The following CENPP variants were observed in gnomAD, a reference collection of about 807,000 sequenced individuals.
The protein encoded by CENPP is centromere protein P.
A neutral mutation model predicts 35.6 loss-of-function variants in CENPP; 24 were observed. The ratio of observed to expected loss-of-function variants is 0.67; its 90% CI spans 0.49 to 0.95. CENPP has a LOEUF of 0.95. CENPP is among the 40% of genes least tolerant of loss of function. The probability of loss-of-function intolerance (pLI) is 0.00; values close to 1 mark genes in which losing one functional copy is unlikely to be tolerated. For synonymous variants in CENPP, 120 were observed against 125.5 expected, an observed-to-expected ratio of 0.96 and a Z score of 0.29; for missense variants, 332 against 345.3, an observed-to-expected ratio of 0.96 and a Z score of 0.31.
chr9:92,427,233 G>A (rs1353347564), intron 5 of CENPP, among the ~76,000 whole-genome samples: 2 of 152,172 alleles, frequency 1.3e-5, no homozygotes, highest in African/African-American at 2.4e-5. Context: ...CGCCGTCTTG[G>A]CTCACTGCAG....
At chr9:92,559,246 T>C (rs952120319) in intron 5 of CENPP, among the ~76,000 whole-genome samples, 4 of 152,176 alleles carry the variant, frequency 2.6e-5, no homozygotes, top group Admixed American at 6.5e-5. Flanking sequence ...ATCCCTGTGG[T>C]GTCAGGCAGG....
intron 5 of CENPP, among the ~76,000 whole-genome samples, chr9:92,479,555 C>T (rs1467472468): frequency 6.6e-6 from 1 of 152,142 alleles, no homozygotes; most frequent in Non-Finnish European, 1.5e-5. Context: ...CATATCCACC[C>T]TGCTTGAATA....
At chr9:92,417,340 T>A in intron 5 of CENPP, 1 of 1,614,074 alleles carries the variant, frequency 6.2e-7, no homozygotes, top group Non-Finnish European at 8.5e-7. Context: ...ACATTGATGA[T>A]GGAAAGTTAG....
intron 5 of CENPP, chr9:92,414,307 GTTAT>G (rs1256543667): frequency 1.6e-5 from 3 of 191,846 alleles, no homozygotes; most frequent in African/African-American, 7.0e-5. Context: ...AAACAAAGCA[GTTAT>G]TTCTTTGCAA....
At chr9:92,416,536 G>A (rs1007336243) in intron 5 of CENPP, 1 of 895,152 alleles carries the variant, frequency 1.1e-6, no homozygotes, top group Non-Finnish European at 1.7e-6. Flanking sequence ...AATGTCTAAA[G>A]CATAGCTTAT....
chr9:92,513,760 G>A (rs915313826), intron 5 of CENPP, among the ~76,000 whole-genome samples: 2 of 152,228 alleles, frequency 1.3e-5, no homozygotes, highest in Non-Finnish European at 2.9e-5. Context: ...TCAGTGTTCT[G>A]TGGTGGCCAG....
chr9:92,379,592 A>G (rs1842199813), intron 4 of CENPP, among the ~76,000 whole-genome samples, 171 bp from the exon 5 acceptor site: 2 of 152,252 alleles, frequency 1.3e-5, no homozygotes, highest in South Asian at 2.1e-4. Flanking sequence ...AGAAAGTAGC[A>G]TTAGCAGTCA....
intron 2 of CENPP, among the ~76,000 whole-genome samples, chr9:92,334,478 G>T (rs184259526): frequency 6.6e-6 from 1 of 152,226 alleles, no homozygotes; most frequent in African/African-American, 2.4e-5. Flanking sequence ...TTAAATGTAT[G>T]TTGTTAAAAA....
intron 5 of CENPP, chr9:92,464,960 T>C: frequency 1.2e-6 from 2 of 1,614,030 alleles, no homozygotes; most frequent in East Asian, 4.5e-5. Flanking sequence ...AATTCTGATA[T>C]GGAACACCGT....
intron 5 of CENPP, chr9:92,505,731 A>T: frequency 6.8e-7 from 1 of 1,474,282 alleles, no homozygotes; most frequent in Non-Finnish European, 9.1e-7. Flanking sequence ...GATAATTGAA[A>T]AACCATGCAA....
chr9:92,381,113 A>G (rs1842231143), intron 5 of CENPP, among the ~76,000 whole-genome samples: 1 of 152,148 alleles, frequency 6.6e-6, no homozygotes, highest in Non-Finnish European at 1.5e-5. Flanking sequence ...AAACATACCC[A>G]TTAAACATTA....
chr9:92,427,553 C>T (rs1012553628), intron 5 of CENPP, among the ~76,000 whole-genome samples: 2 of 151,910 alleles, frequency 1.3e-5, no homozygotes, highest in African/African-American at 4.8e-5. Flanking sequence ...TGATCTTGGC[C>T]CACTGTACCC....
At chr9:92,385,537 C>T in intron 5 of CENPP, 2 of 1,192,292 alleles carry the variant, frequency 1.7e-6, no homozygotes, top group Non-Finnish European at 2.4e-6. Context: ...TAATATTAAA[C>T]CAATACTTAA....
intron 5 of CENPP, among the ~76,000 whole-genome samples, chr9:92,398,004 T>C (rs1174652103): frequency 6.6e-6 from 1 of 152,214 alleles, no homozygotes; most frequent in Non-Finnish European, 1.5e-5. Flanking sequence ...TTTCCGTATT[T>C]GTAATGTTTC....
chr9:92,509,384 A>T (rs543049449), intron 5 of CENPP, among the ~76,000 whole-genome samples: 2 of 152,308 alleles, frequency 1.3e-5, no homozygotes, highest in Non-Finnish European at 1.5e-5. Flanking sequence ...TCCATGCATA[A>T]TTCCCATGTG....
intron 5 of CENPP, among the ~76,000 whole-genome samples, chr9:92,443,825 A>G (rs1256647302): frequency 6.6e-6 from 1 of 151,946 alleles, no homozygotes; most frequent in Admixed American, 6.6e-5. Flanking sequence ...ACGCCCAGCT[A>G]ATTTTTTTTG....
chr9:92,557,290 A>G (rs959825863), intron 5 of CENPP, among the ~76,000 whole-genome samples: 2 of 152,158 alleles, frequency 1.3e-5, no homozygotes, highest in Non-Finnish European at 2.9e-5. Context: ...ACCTGATGAC[A>G]GTGTGCCTAG....
chr9:92,534,471 A>G (rs1434947522), intron 5 of CENPP, among the ~76,000 whole-genome samples: 1 of 152,212 alleles, frequency 6.6e-6, no homozygotes, highest in Non-Finnish European at 1.5e-5. Flanking sequence ...ACCTTTCTTC[A>G]GCGTATATAT....
chr9:92,536,459 CA>C, intron 5 of CENPP: 2 of 148,046 alleles, frequency 1.4e-5, no homozygotes, highest in South Asian at 2.1e-4. Context: ...TCTGCCCACC[CA>C]CCTCGATCTC....
Sources: allele counts gnomAD v4.1 joint callset (sites outside exome capture counted in the v4.1 genomes callset), GRCh38; gene constraint gnomAD v4.1.1; transcripts MANE v1.5; gene names NCBI Gene and HGNC (gene_info 2026-07-23, HGNC 2026-07-21).